Variants in SYN2 observed in about 807,000 individuals in gnomAD.
SYN2 encodes the protein synapsin-2.
A neutral mutation model predicts 50.9 loss-of-function variants in SYN2; 19 were observed. That is an observed-to-expected ratio of 0.37 (90% CI 0.26 to 0.55). SYN2 has a LOEUF of 0.55. Among genes scored for constraint, SYN2 ranks in the 20% least tolerant of loss-of-function variants. The pLI is 0.81. For synonymous variants in SYN2, 255 were observed against 224.9 expected (o/e 1.13, Z -1.20); for missense variants, 587 against 576.4 (o/e 1.02, Z -0.19).
At chr3:12,063,429 A>C (rs1695152932) in intron 1 of SYN2, among the ~76,000 whole-genome samples, 1 of 151,992 alleles carries the variant, frequency 6.6e-6, no homozygotes, top group South Asian at 2.1e-4. Flanking sequence ...GTATCCCATG[A>C]GTGTGTGGAT....
At chr3:12,126,427 A>G (rs887572874) in intron 1 of SYN2, among the ~76,000 whole-genome samples, 1 of 152,244 alleles carries the variant, frequency 6.6e-6, no homozygotes. Context: ...GTCACTTGAA[A>G]TGCCCTTTCC....
At chr3:12,045,013 G>A (rs1694704988) in intron 1 of SYN2, among the ~76,000 whole-genome samples, 2 of 152,146 alleles carry the variant, frequency 1.3e-5, no homozygotes, top group East Asian at 3.9e-4. Context: ...GCTAAGAAGT[G>A]GTGGAGATGG....
chr3:12,022,000 T>G (rs2623901), intron 1 of SYN2, among the ~76,000 whole-genome samples: 111,056 of 151,394 alleles, frequency 0.73, 40,933 homozygotes, highest in Admixed American at 0.8. Context: ...AGCCCAGGAG[T>G]AAGAGGTTGC....
At chr3:12,132,311 A>T (rs1262266262) in intron 1 of SYN2, among the ~76,000 whole-genome samples, 1 of 152,188 alleles carries the variant, frequency 6.6e-6, no homozygotes, top group Non-Finnish European at 1.5e-5. Context: ...ATGGTCTCTA[A>T]ACTTGATCAT....
chr3:12,157,380 T>G (rs774982084), intron 5 of SYN2: 1 of 1,614,006 alleles, frequency 6.2e-7, no homozygotes, highest in African/African-American at 1.3e-5. Flanking sequence ...CCTGCCCCCA[T>G]GTACCTTTAT....
Position 12,140,716 on chromosome 3 carries a change from G to T in SYN2, c.435+8G>T. ...GATATCAAGGTGGAACAGGTAATCA[G>T]CCTGAAGCCCAGAGCTGCATCCCCG... is the stretch of plus-strand genomic sequence containing the variant. On this transcript the variant is annotated splice_region_variant and intron_variant, in intron 2 of 12. Transcript: ENST00000621198. 2.6e-6 allele frequency: 2 copies of T among 755,470 alleles called. No homozygotes were observed. Among genetic ancestry groups the T allele is most frequent in the Non-Finnish European group, 4.9e-6 (2 of 404,572 alleles). The allele number at this position is 755,470 out of a possible 1,614,324, so 46.8% of individuals were successfully genotyped here.
chr3:12,119,877 C>G (rs1157034878), intron 1 of SYN2, among the ~76,000 whole-genome samples: 1 of 152,098 alleles, frequency 6.6e-6, no homozygotes, highest in Non-Finnish European at 1.5e-5. Flanking sequence ...CAGTGTCAAC[C>G]CCAATGATCT....
chr3:12,095,243 T>C (rs1695904464), intron 1 of SYN2, among the ~76,000 whole-genome samples: 1 of 151,318 alleles, frequency 6.6e-6, no homozygotes, highest in East Asian at 2.0e-4. Flanking sequence ...CTAAAATAGC[T>C]CTTTTTTAAA....
intron 1 of SYN2, among the ~76,000 whole-genome samples, chr3:12,119,780 C>G (rs1696512561): frequency 6.6e-6 from 1 of 152,148 alleles, no homozygotes; most frequent in African/African-American, 2.4e-5. Context: ...TTCCTTATGT[C>G]TTTCCCAGGT....
intron 1 of SYN2, among the ~76,000 whole-genome samples, chr3:12,113,046 G>A (rs1696358017): frequency 6.6e-6 from 1 of 152,152 alleles, no homozygotes. Flanking sequence ...GAGCTTTCTT[G>A]TGCAGAGGGC....
chr3:12,008,901 A>C (rs913837866), intron 1 of SYN2, among the ~76,000 whole-genome samples: 1 of 152,206 alleles, frequency 6.6e-6, no homozygotes, highest in African/African-American at 2.4e-5. Context: ...GGGACAACGA[A>C]GAGACTAGAT....
chr3:12,110,052 A>G (rs565331654), intron 1 of SYN2, among the ~76,000 whole-genome samples: 1 of 152,202 alleles, frequency 6.6e-6, no homozygotes, highest in East Asian at 1.9e-4. Context: ...AGCTGGGTGT[A>G]GTGATGTGTA....
At chr3:12,090,321 T>G (rs1412014546) in intron 1 of SYN2, among the ~76,000 whole-genome samples, 1 of 152,178 alleles carries the variant, frequency 6.6e-6, no homozygotes, top group Non-Finnish European at 1.5e-5. Context: ...TCTCTGACTT[T>G]ATGAATGTAT....
chr3:12,094,838 C>CACAGAGAATATGGAATGCTAGAAGAAAA (rs1695896298), intron 1 of SYN2, among the ~76,000 whole-genome samples: 1 of 152,078 alleles, frequency 6.6e-6, no homozygotes, highest in Non-Finnish European at 1.5e-5. Context: ...GTATATAATT[C>CACAGAGAATATGGAATGCTAGAAGAAAA]ACAGAGAATA....
At chr3:12,108,946 A>T (rs1342526056) in intron 1 of SYN2, among the ~76,000 whole-genome samples, 1 of 151,806 alleles carries the variant, frequency 6.6e-6, no homozygotes, top group East Asian at 1.9e-4. Context: ...CCAATTTTTT[A>T]AAAATGTGGT....
chr3:12,160,368 A>G (rs1167870410), intron 5 of SYN2, among the ~76,000 whole-genome samples: 1 of 152,208 alleles, frequency 6.6e-6, no homozygotes, highest in Non-Finnish European at 1.5e-5. Flanking sequence ...GGCCTCAACC[A>G]GGAATGCTGA....
chr3:12,007,634 T>G (rs1180921705), intron 1 of SYN2, among the ~76,000 whole-genome samples: 1 of 152,246 alleles, frequency 6.6e-6, no homozygotes, highest in African/African-American at 2.4e-5. Flanking sequence ...AGTCAGAGTG[T>G]AGACTCATTA....
intron 1 of SYN2, among the ~76,000 whole-genome samples, chr3:12,081,719 C>G (rs1695590246): frequency 6.6e-6 from 1 of 152,120 alleles, no homozygotes; most frequent in Admixed American, 6.6e-5. Context: ...ACCACATATG[C>G]CCCCTCTTCC....
At chr3:12,022,337 T>C (rs1047136649) in intron 1 of SYN2, among the ~76,000 whole-genome samples, 3 of 152,204 alleles carry the variant, frequency 2.0e-5, no homozygotes, top group African/African-American at 4.8e-5. Flanking sequence ...ACCATTTAAG[T>C]TTCATTTCAT....
Sources: allele counts gnomAD v4.1 joint callset (sites outside exome capture counted in the v4.1 genomes callset), GRCh38; gene constraint gnomAD v4.1.1; transcripts MANE v1.5; gene names NCBI Gene and HGNC (gene_info 2026-07-23, HGNC 2026-07-21).